The following TXNDC5 variants were observed in gnomAD, a reference collection of about 807,000 sequenced individuals.
TXNDC5 encodes the protein thioredoxin domain-containing protein 5.
Under a neutral mutation model 52.6 loss-of-function variants are expected in TXNDC5, and 44 were observed. That is an observed-to-expected ratio of 0.84 (90% CI 0.66 to 1.08). The LOEUF (loss-of-function observed/expected upper bound fraction) is 1.08, where lower values mean the gene tolerates loss of function less well. TXNDC5 is among the 50% of genes least tolerant of loss of function. The pLI is 0.00. For missense variants in TXNDC5, 600 were observed against 565.5 expected (o/e 1.06, Z -0.62); for synonymous variants, 241 against 234.4 (o/e 1.03, Z -0.26).
intron 6 of TXNDC5, 150 bp from the exon 7 acceptor site, chr6:7,888,998 G>A: frequency 2.9e-6 from 3 of 1,017,940 alleles, no homozygotes; most frequent in Non-Finnish European, 4.2e-6. Context: ...AGACGGGAAT[G>A]TAGAGAGGAT....
chr6:7,884,069 G>GC (rs1227087172), intron 9 of TXNDC5, among the ~76,000 whole-genome samples: 4 of 152,214 alleles, frequency 2.6e-5, no homozygotes, highest in Non-Finnish European at 5.9e-5. Flanking sequence ...GGTGTGGGAA[G>GC]CCCCACAGTC....
chr6:7,884,293 G>A, intron 9 of TXNDC5, 66 bp downstream of exon 9: 1 of 1,597,096 alleles, frequency 6.3e-7, no homozygotes, highest in Non-Finnish European at 8.6e-7. Flanking sequence ...TCGTGGTTGA[G>A]GCACAGTTCC....
intron 8 of TXNDC5, 139 bp downstream of exon 8, chr6:7,885,822 C>G (rs1759950144): frequency 2.9e-6 from 2 of 682,356 alleles, no homozygotes; most frequent in Non-Finnish European, 4.8e-6. Context: ...ATAACGGTTC[C>G]TTATTTCCTA....
Position 7,895,194 on chromosome 6 carries a change from C to A in TXNDC5, c.528G>T (p.Glu176Asp). 1 of 1,612,698 alleles carries A rather than the reference C, an allele frequency of 6.2e-7. No homozygotes were observed. Among genetic ancestry groups the A allele is most frequent in the Non-Finnish European group, 8.5e-7 (1 of 1,179,402 alleles). ...GGGCACTGGGCGGTTCCACTTCCGG[C>A]TCTGGTGTCTAACAGGAGGAAATAA... ...QTLNEEPVTP[E>D]PEVEPPSAPE... is the part of the protein sequence containing the mutation. The change falls in exon 4 of 10, where the codon GAG becomes GAT. Residue 176 changes from glutamate to aspartate, a missense_variant. Coordinates refer to ENST00000379757, the MANE Select transcript of TXNDC5 (RefSeq NM_030810.5).
chr6:7,910,283 C>T (rs553864230), intron 1 of TXNDC5, among the ~76,000 whole-genome samples: 1 of 150,854 alleles, frequency 6.6e-6, no homozygotes, highest in Admixed American at 6.6e-5. Context: ...GCCCCCCGCT[C>T]CCCGCCAGCC....
At position 7,889,046 on chromosome 6, in the gene TXNDC5, G is replaced by A. The variant is rs1014108596; in HGVS notation, c.820-198C>T. On this transcript the variant is annotated intron_variant, in intron 6 of 9. Transcript: ENST00000379757. ...CGGCTTTGGTGAGAGAACTGTACAG[G>A]CCCCTCTTCCCTCCACGGGGTTACA... The A allele has an allele frequency of 3.2e-5, 20 of 624,040 alleles. No homozygotes were observed. The African/African-American group carries it at 3.6e-4, about 11-fold the overall frequency. 38.7% of individuals were successfully genotyped at this position (624,040 alleles called of 1,614,324 possible).
At chr6:7,898,608 C>G (rs1166648753) in intron 3 of TXNDC5, among the ~76,000 whole-genome samples, 1 of 152,132 alleles carries the variant, frequency 6.6e-6, no homozygotes, top group Non-Finnish European at 1.5e-5. Context: ...GATGCTCTTC[C>G]TAGCTCATCA....
chr6:7,890,435 T>G (rs1015303188), intron 5 of TXNDC5, among the ~76,000 whole-genome samples: 2 of 152,174 alleles, frequency 1.3e-5, no homozygotes, highest in Non-Finnish European at 2.9e-5. Context: ...CCCAGCCACA[T>G]GTGCCAGGGA....
rs1760113220 is a variant in TXNDC5 at position 7,889,280 on chromosome 6, G to T, written c.819+215C>A. 7.5e-6 allele frequency: 4 copies of T among 535,862 alleles called. No individual in the cohort carries two copies. In the South Asian group the frequency reaches 8.0e-5, roughly 11 times the overall value. The allele number at this position is 535,862 out of a possible 1,614,324, so 33.2% of individuals were successfully genotyped here. On this transcript the variant is annotated intron_variant, in intron 6 of 9. Coordinates refer to ENST00000379757, the MANE Select transcript of TXNDC5 (RefSeq NM_030810.5). ...ACTGTAAGATGTGGGTTATTCTAGT[G>T]ATAACCTGGGCCACTGAAATGTTTC... is the stretch of plus-strand genomic sequence containing the variant.
intron 2 of TXNDC5, among the ~76,000 whole-genome samples, chr6:7,901,379 A>G (rs575206835): frequency 2.6e-4 from 39 of 152,362 alleles, no homozygotes; most frequent in Non-Finnish European, 4.6e-4. Flanking sequence ...TCAAGACATC[A>G]GAAAGGACCA....
At chr6:7,886,711 T>C (rs1759995706) in intron 7 of TXNDC5, among the ~76,000 whole-genome samples, 1 of 152,218 alleles carries the variant, frequency 6.6e-6, no homozygotes, top group Non-Finnish European at 1.5e-5. Flanking sequence ...TTGACAGTTC[T>C]TTACAGAATG....
chr6:7,891,774 GA>G (rs1760199708), intron 4 of TXNDC5, 38 bp from the exon 5 acceptor site: 3 of 1,463,452 alleles, frequency 2.0e-6, no homozygotes, highest in African/African-American at 1.4e-5. Context: ...GGGGAAAGAG[GA>G]ACTGTAATTT....
chr6:7,886,935 T>C (rs890384557), intron 7 of TXNDC5, among the ~76,000 whole-genome samples: 2 of 152,150 alleles, frequency 1.3e-5, no homozygotes, highest in Non-Finnish European at 2.9e-5. Context: ...ACCCACTTCA[T>C]GGTGGAAAAC....
chr6:7,884,359 C>T lies in TXNDC5; in HGVS notation c.1176G>A (p.Ser392=), dbSNP rs371329483. 59 of 1,613,876 alleles carry T rather than the reference C, an allele frequency of 3.7e-5. No homozygotes were observed. Among genetic ancestry groups the T allele is most frequent in the African/African-American group, 1.3e-4 (10 of 74,890 alleles). The change falls in exon 9 of 10, where the codon TCG becomes TCA. Residue 392 remains serine (S), a splice_region_variant and synonymous_variant. Transcript: ENST00000379757. ...CATAAGCATCCATCCAAGTACCCACCGAATACTTGCTGCAGATATTCCGTT... is the reference window on the plus strand; with the variant it reads ...CATAAGCATCCATCCAAGTACCCACTGAATACTTGCTGCAGATATTCCGTT... ...TAERNICSKY[S]VRGYPTLLLF...
At position 7,882,046 on chromosome 6, in the gene TXNDC5, C is replaced by CCAGAGCAGCCCACTGACATCTGT. The variant is rs1338730556; in HGVS notation, c.*1075_*1097dup. 33 of 152,792 alleles carry CCAGAGCAGCCCACTGACATCTGT rather than the reference C, an allele frequency of 2.2e-4. No individual in the cohort carries two copies. Among genetic ancestry groups the CCAGAGCAGCCCACTGACATCTGT allele is most frequent in the African/African-American group, 6.5e-4 (27 of 41,562 alleles). 9.5% of individuals were successfully genotyped at this position (152,792 alleles called of 1,614,324 possible). A position where few individuals can be genotyped will look rare whatever the true frequency, so the allele number is the denominator to read the frequency against. On this transcript the variant is annotated 3_prime_UTR_variant, in exon 10 of 10. Transcript: ENST00000379757. ...GCTGCCACAGCCGTGCACACCAGGG[C>CCAGAGCAGCCCACTGACATCTGT]CAGAGCAGCCCACTGACATCTGTCT...
In TXNDC5 at chr6:7,888,793, G is replaced by A. The variant is rs755033724; in HGVS notation, c.875C>T (p.Ser292Leu). 2.2e-5 allele frequency: 36 copies of A among 1,614,008 alleles called. No individual in the cohort carries two copies. The South Asian group carries it at 2.5e-4, about 11-fold the overall frequency. Residue 292 changes from serine to leucine, a missense_variant, in exon 7 of 10, where the codon TCG becomes TTG. By Grantham distance (145) the Ser-to-Leu change is moderately radical. Transcript: ENST00000379757. ...TCCAGTCTCTGTGCGCTGCAGCTGC[G>A]ACTCCACGTACTCCCTCAGTGACTC... Reference protein sequence around the residue: ...DLESLREYVESQLQRTETGAT... With the variant: ...DLESLREYVELQLQRTETGAT...
rs1561805590 is a variant in TXNDC5 at position 7,885,952 on chromosome 6, G to A, written c.1046+9C>T. The A allele has an allele frequency of 6.2e-7, 1 of 1,613,514 alleles. No individual in the cohort carries two copies. The highest frequency in any genetic ancestry group is 2.2e-5 in the East Asian group (1 of 44,874). ...GGACAAAGTAGTTTCTAATTAAACA[G>A]CCACTTACCATGGAGCATAAAACTT... is the stretch of plus-strand genomic sequence containing the variant. On this transcript the variant is annotated intron_variant, in intron 8 of 9. Transcript: ENST00000379757.
At position 7,899,494 on chromosome 6, in the gene TXNDC5, G is replaced by A. The variant is rs1760486367; in HGVS notation, c.519+82C>T. 6.6e-6 allele frequency: 6 copies of A among 912,606 alleles called. No homozygotes were observed. The South Asian group carries it at 1.0e-4, about 15-fold the overall frequency. 56.5% of individuals were successfully genotyped at this position (912,606 alleles called of 1,614,324 possible). ...TAATCATTAACCTCAACTGGCCTCTGCCCCGTTACATATTACCCCAAAGAT... is the reference window on the plus strand; with the variant it reads ...TAATCATTAACCTCAACTGGCCTCTACCCCGTTACATATTACCCCAAAGAT... On this transcript the variant is annotated intron_variant, in intron 3 of 9. Transcript: ENST00000379757.
intron 2 of TXNDC5, among the ~76,000 whole-genome samples, chr6:7,902,607 C>T (rs1760605883): frequency 6.6e-6 from 1 of 151,670 alleles, no homozygotes; most frequent in African/African-American, 2.4e-5. Flanking sequence ...ACAGATGCCC[C>T]AGTGCGACCA....
Sources: allele counts gnomAD v4.1 joint callset (sites outside exome capture counted in the v4.1 genomes callset), GRCh38; gene constraint gnomAD v4.1.1; transcripts MANE v1.5; gene names NCBI Gene and HGNC (gene_info 2026-07-23, HGNC 2026-07-21).